ZNF148: variants seen among roughly 807,000 people sequenced by gnomAD.
ZNF148 encodes the protein Beta-Enolase Repressor Factor-1.
Under a neutral mutation model 67.7 loss-of-function variants are expected in ZNF148, and 7 were observed. The observed-to-expected ratio is 0.10, with a 90% confidence interval of 0.06 to 0.19. The LOEUF (loss-of-function observed/expected upper bound fraction) is 0.19, where lower values mean the gene tolerates loss of function less well. ZNF148 is among the 10% of genes least tolerant of loss of function. The pLI is 1.00. For missense variants in ZNF148, 583 were observed against 947.1 expected, an observed-to-expected ratio of 0.62 and a Z score of 5.05; for synonymous variants, 333 against 330.7, an observed-to-expected ratio of 1.01 and a Z score of -0.08.
At chr3:125,289,480 C>A (rs1015342729) in intron 4 of ZNF148, among the ~76,000 whole-genome samples, 1 of 152,146 alleles carries the variant, frequency 6.6e-6, no homozygotes, top group Non-Finnish European at 1.5e-5. Flanking sequence ...GGTACAGTGA[C>A]CACTCTTCTG....
chr3:125,304,835 C>T (rs1300896335), intron 4 of ZNF148, among the ~76,000 whole-genome samples: 3 of 152,154 alleles, frequency 2.0e-5, no homozygotes, highest in African/African-American at 7.2e-5. Context: ...AAATACCATT[C>T]TCCACTAAAA....
rs181544710 is a variant in ZNF148 at position 125,231,067 on chromosome 3, G to T, written c.*1274C>A. ...TTTTGAAATGCAACAAAAATTTTCC[G>T]ATCACTCATCTAGCTGAAAAAGAAA... On this transcript the variant is annotated 3_prime_UTR_variant, in exon 9 of 9. Transcript: ENST00000360647. 1 of 152,288 alleles carries T rather than the reference G, an allele frequency of 6.6e-6. No homozygotes were observed. Among genetic ancestry groups the T allele is most frequent in the Non-Finnish European group, 1.5e-5 (1 of 67,894 alleles). 9.4% of individuals were successfully genotyped at this position (152,288 alleles called of 1,614,324 possible).
chr3:125,232,454 G>A lies in ZNF148; in HGVS notation c.2272C>T (p.Arg758Trp). 6.2e-7 allele frequency: 1 copy of A among 1,613,480 alleles called. No individual in the cohort carries two copies. Among genetic ancestry groups the A allele is most frequent in the Non-Finnish European group, 8.5e-7 (1 of 1,179,724 alleles). The change falls in exon 9 of 9, where the codon CGG (arginine) becomes TGG (tryptophan). Residue 758 changes from arginine to tryptophan, a missense_variant. This residue lies in a region of ZNF148 where 158 missense variants were observed against 208.4 expected (regional missense o/e 0.76). Coordinates refer to ENST00000360647, the MANE Select transcript of ZNF148 (RefSeq NM_021964.3). The surrounding 1 kb of genome is among the most constrained non-coding windows in gnomAD (Gnocchi z 4.2). ...FSTANGQVNL[R>W]GPGTSAEFSE... ...AATTCAGCACTTGTCCCTGGTCCCC[G>A]AAGGTTCACCTGTCCATTGGCAGTG...
chr3:125,344,269 G>T (rs188072409), intron 1 of ZNF148: 6 of 398,076 alleles, frequency 1.5e-5, no homozygotes, highest in East Asian at 1.0e-4. Flanking sequence ...ACCACCAAAC[G>T]ACACGAAAGA....
At chr3:125,335,917 T>A (rs1941471257) in intron 1 of ZNF148, among the ~76,000 whole-genome samples, 1 of 152,156 alleles carries the variant, frequency 6.6e-6, no homozygotes, top group Admixed American at 6.5e-5. Flanking sequence ...GTTTTATGAA[T>A]TAACGTAGCA....
chr3:125,291,557 T>C (rs1194261094), intron 4 of ZNF148, among the ~76,000 whole-genome samples: 4 of 152,148 alleles, frequency 2.6e-5, no homozygotes, highest in Non-Finnish European at 4.4e-5. Context: ...TTTTCCCCTA[T>C]ACTCCTGATT....
At chr3:125,277,184 T>C (rs1938121090) in intron 7 of ZNF148, among the ~76,000 whole-genome samples, 1 of 152,180 alleles carries the variant, frequency 6.6e-6, no homozygotes, top group East Asian at 1.9e-4. Context: ...TAGATGCAAA[T>C]AAATATTTGC....
At chr3:125,341,272 T>TA (rs1559769064) in intron 1 of ZNF148, among the ~76,000 whole-genome samples, 2 of 142,242 alleles carry the variant, frequency 1.4e-5, no homozygotes, top group East Asian at 2.0e-4. Context: ...CAGAAGTTAT[T>TA]AAAAAAAGAA....
chr3:125,232,815 G>C lies in ZNF148; in HGVS notation c.1911C>G (p.Leu637=). ...SLNFVTDNQT[L]PNQPAFSSID... ...TGGAAGAGAATGCTGGCTGATTTGG[G>C]AGGGTCTGGTTATCAGTCACAAAGT... The change falls in exon 9 of 9, where the codon CTC becomes CTG. Residue 637 remains leucine, a synonymous_variant. Transcript: ENST00000360647. The surrounding 1 kb of genome is among the most constrained non-coding windows in gnomAD (Gnocchi z 4.2). The C allele has an allele frequency of 6.2e-7, 1 of 1,613,856 alleles. No homozygotes were observed. Among genetic ancestry groups the C allele is most frequent in the Non-Finnish European group, 8.5e-7 (1 of 1,179,814 alleles).
chr3:125,325,730 C>T (rs1438427017), intron 2 of ZNF148, among the ~76,000 whole-genome samples: 1 of 152,056 alleles, frequency 6.6e-6, no homozygotes, highest in African/African-American at 2.4e-5. Flanking sequence ...CTCCCAAATC[C>T]CCACCTGTGC....
chr3:125,292,495 T>C (rs971717148), intron 4 of ZNF148: 3 of 152,192 alleles, frequency 2.0e-5, no homozygotes, highest in African/African-American at 4.8e-5. Flanking sequence ...CCTATCCTAC[T>C]TGGAAATTCT....
In ZNF148 at chr3:125,227,365, T is replaced by C. The variant is rs1042191567; in HGVS notation, c.*4976A>G. 2 of 152,600 alleles carry C rather than the reference T, an allele frequency of 1.3e-5. No homozygotes were observed. The highest frequency in any genetic ancestry group is 1.3e-4 in the Admixed American group (2 of 15,274). 9.5% of individuals were successfully genotyped at this position (152,600 alleles called of 1,614,324 possible). A position where few individuals can be genotyped will look rare whatever the true frequency, so the allele number is the denominator to read the frequency against. ...TTTTAATGACAGGGTTTTTCCTTTA[T>C]TAGTTGAAATACAAAGAAGGCATAG... is the stretch of plus-strand genomic sequence containing the variant. On this transcript the variant is annotated 3_prime_UTR_variant, in exon 9 of 9. Transcript: ENST00000360647.
intron 4 of ZNF148, among the ~76,000 whole-genome samples, chr3:125,299,939 A>G (rs1393542161): frequency 6.6e-6 from 1 of 152,228 alleles, no homozygotes; most frequent in African/African-American, 2.4e-5. Flanking sequence ...TATTCAAATA[A>G]TACGCTGACG....
intron 3 of ZNF148, among the ~76,000 whole-genome samples, chr3:125,318,439 G>A (rs994747705): frequency 6.6e-6 from 1 of 152,134 alleles, no homozygotes; most frequent in Non-Finnish European, 1.5e-5. Flanking sequence ...CTACACAGAA[G>A]AGAGGAGGAA....
chr3:125,318,100 C>T (rs1940605229), intron 3 of ZNF148, among the ~76,000 whole-genome samples: 1 of 152,086 alleles, frequency 6.6e-6, no homozygotes. Flanking sequence ...ATTGTCCTTG[C>T]ACCTCCCTTC....
At chr3:125,257,416 C>T (rs563261264) in intron 7 of ZNF148, among the ~76,000 whole-genome samples, 3 of 151,936 alleles carry the variant, frequency 2.0e-5, no homozygotes, top group Non-Finnish European at 4.4e-5. Flanking sequence ...ATTAGCTGGA[C>T]GTGGTGGCGT....
At chr3:125,303,526 A>C (rs1214355175) in intron 4 of ZNF148, among the ~76,000 whole-genome samples, 1 of 152,048 alleles carries the variant, frequency 6.6e-6, no homozygotes, top group Non-Finnish European at 1.5e-5. Flanking sequence ...AGGAGCTCAA[A>C]CCCTATTGTG....
intron 7 of ZNF148, among the ~76,000 whole-genome samples, chr3:125,274,469 C>A (rs1937935639): frequency 6.6e-6 from 1 of 152,140 alleles, no homozygotes; most frequent in Non-Finnish European, 1.5e-5. Flanking sequence ...CAGGGACCAG[C>A]CTCTGGATGA....
At chr3:125,289,828 C>T (rs1019818582) in intron 4 of ZNF148, among the ~76,000 whole-genome samples, 1 of 152,156 alleles carries the variant, frequency 6.6e-6, no homozygotes, top group African/African-American at 2.4e-5. Context: ...ATAAGTTCTG[C>T]TGTTAACTGC....
Sources: allele counts gnomAD v4.1 joint callset (sites outside exome capture counted in the v4.1 genomes callset), GRCh38; gene constraint gnomAD v4.1.1; regional missense constraint gnomAD v4.1.1; non-coding constraint Gnocchi (gnomAD v3.1); transcripts MANE v1.5; gene names NCBI Gene and HGNC (gene_info 2026-07-23, HGNC 2026-07-21).